The following RNMT variants were observed in gnomAD, a reference collection of about 807,000 sequenced individuals.
RNMT encodes mRNA cap guanine-N(7) methyltransferase.
A neutral mutation model predicts 56.0 loss-of-function variants in RNMT; 27 were observed. That is an observed-to-expected ratio of 0.48 (90% CI 0.36 to 0.67). The LOEUF (loss-of-function observed/expected upper bound fraction) is 0.67. Among genes scored for constraint, RNMT ranks in the 30% least tolerant of loss-of-function variants. The pLI is 0.00. For missense variants in RNMT, 519 were observed against 552.1 expected (o/e 0.94, Z 0.60); for synonymous variants, 184 against 176.2 (o/e 1.04, Z -0.35).
chr18:13,760,873 C>A lies in RNMT; in HGVS notation c.*894C>A. 1.0e-6 allele frequency: 1 copy of A among 985,434 alleles called. No homozygotes were observed. Among genetic ancestry groups the A allele is most frequent in the Non-Finnish European group, 1.2e-6 (1 of 829,910 alleles). 61.0% of individuals were successfully genotyped at this position (985,434 alleles called of 1,614,324 possible). ...ATAAGCAATACTTGTTCCTCTGTTA[C>A]AACCTCAGCACTTTGCACCGTAGGA... On this transcript the variant is annotated 3_prime_UTR_variant, in exon 12 of 12. Coordinates refer to ENST00000383314, the MANE Select transcript of RNMT (RefSeq NM_003799.3).
intron 9 of RNMT, among the ~76,000 whole-genome samples, chr18:13,747,304 C>G (rs1157225484): frequency 2.0e-5 from 3 of 151,484 alleles, no homozygotes; most frequent in Admixed American, 6.6e-5. Context: ...TCACTGAGGC[C>G]TTCACCTTCT....
chr18:13,727,967 A>G (rs7244404), intron 1 of RNMT, among the ~76,000 whole-genome samples: 38,668 of 152,178 alleles, frequency 0.25, 5,635 homozygotes, highest in Non-Finnish European at 0.34. Flanking sequence ...TATATATGCT[A>G]CATTATCTTT....
rs116274527 is a variant in RNMT at position 13,738,877 on chromosome 18, T to C, written c.680-1290T>C. Among the ~76,000 whole-genome samples, 1,303 of 152,326 alleles carry C rather than the reference T, an allele frequency of 8.6e-3. 23 individuals carry two copies. The highest frequency in any genetic ancestry group is 0.03 in the African/African-American group (1,256 of 41,580). On this transcript the variant is annotated intron_variant, in intron 5 of 11. Transcript: ENST00000383314. Reference sequence around the variant, plus strand: ...ACCAGGGGCCGGTTTCATGGAAGACTGTTTTTCCACAGAAGCGGGGGGATG... The same window carrying C: ...ACCAGGGGCCGGTTTCATGGAAGACCGTTTTTCCACAGAAGCGGGGGGATG...
chr18:13,735,338 A>G (rs759316681), intron 4 of RNMT, among the ~76,000 whole-genome samples: 21 of 152,294 alleles, frequency 1.4e-4, no homozygotes, highest in Admixed American at 3.3e-4. Flanking sequence ...ATTTTCAAAG[A>G]TAAATTACCT....
intron 9 of RNMT, among the ~76,000 whole-genome samples, chr18:13,750,510 G>C (rs970570536): frequency 6.6e-6 from 1 of 152,010 alleles, no homozygotes; most frequent in Admixed American, 6.5e-5. Context: ...GATAAAAGTT[G>C]ACCATAAGGC....
intron 1 of RNMT, among the ~76,000 whole-genome samples, chr18:13,728,873 G>A (rs1366945216): frequency 1.3e-5 from 2 of 151,928 alleles, no homozygotes; most frequent in African/African-American, 4.8e-5. Context: ...CTGTATTCCG[G>A]TTGTGAATCC....
intron 5 of RNMT, among the ~76,000 whole-genome samples, chr18:13,737,804 A>G (rs1243868177): frequency 6.6e-6 from 1 of 152,032 alleles, no homozygotes; most frequent in Non-Finnish European, 1.5e-5. Context: ...TGAAACTTAT[A>G]AATTAAGGGG....
chr18:13,730,300 G>A (rs2044045188), intron 1 of RNMT: 2 of 152,082 alleles, frequency 1.3e-5, no homozygotes, highest in African/African-American at 2.4e-5. Context: ...AGACTTAATG[G>A]TCATCAAACT....
chr18:13,762,371 G>A lies in RNMT; in HGVS notation c.*2392G>A, dbSNP rs1157544977. 8 of 555,032 alleles carry A rather than the reference G, an allele frequency of 1.4e-5. No homozygotes were observed. Among genetic ancestry groups the A allele is most frequent in the African/African-American group, 5.8e-5 (3 of 52,118 alleles). The allele number at this position is 555,032 out of a possible 1,614,324, so 34.4% of individuals were successfully genotyped here. On this transcript the variant is annotated 3_prime_UTR_variant, in exon 12 of 12. Coordinates refer to ENST00000383314, the MANE Select transcript of RNMT (RefSeq NM_003799.3). ...GTTTTTAACCACTTCTGTGGGAGCCGTGTTCTAACCTGTGGAAAGTATTGC... is the reference window on the plus strand; with the variant it reads ...GTTTTTAACCACTTCTGTGGGAGCCATGTTCTAACCTGTGGAAAGTATTGC...
chr18:13,760,510 T>G lies in RNMT; in HGVS notation c.*531T>G. Reference sequence around the variant, plus strand: ...AATTTCAGATGCTCATAAAAGTTACTTAGCTAAAATTTTAGCAATTTATTG... The same window carrying G: ...AATTTCAGATGCTCATAAAAGTTACGTAGCTAAAATTTTAGCAATTTATTG... On this transcript the variant is annotated 3_prime_UTR_variant, in exon 12 of 12. Coordinates refer to ENST00000383314, the MANE Select transcript of RNMT (RefSeq NM_003799.3). 1 of 985,378 alleles carries G rather than the reference T, an allele frequency of 1.0e-6. No homozygotes were observed. 61.0% of individuals were successfully genotyped at this position (985,378 alleles called of 1,614,324 possible). A position where few individuals can be genotyped will look rare whatever the true frequency, so the allele number is the denominator to read the frequency against.
At chr18:13,743,335 AATAAAT>A (rs1427623646) in intron 8 of RNMT, among the ~76,000 whole-genome samples, 60,602 of 100,422 alleles carry the variant, frequency 0.6, 15,279 homozygotes, top group East Asian at 0.77. Flanking sequence ...AAAAAAAATA[AATAAAT>A]AAATAAATAA....
chr18:13,739,786 A>T (rs1288830925), intron 5 of RNMT, among the ~76,000 whole-genome samples: 1 of 152,196 alleles, frequency 6.6e-6, no homozygotes, highest in African/African-American at 2.4e-5. Flanking sequence ...ACTCTGTCTC[A>T]AAAAAGAAAA....
intron 3 of RNMT, among the ~76,000 whole-genome samples, chr18:13,733,136 CT>C (rs1416294518): frequency 6.6e-6 from 1 of 152,088 alleles, no homozygotes; most frequent in Non-Finnish European, 1.5e-5. Flanking sequence ...AAATCTTACA[CT>C]TAAACCTGTT....
intron 8 of RNMT, among the ~76,000 whole-genome samples, chr18:13,745,836 A>G (rs2149096850): frequency 6.6e-6 from 1 of 152,302 alleles, no homozygotes; most frequent in Non-Finnish European, 1.5e-5. Flanking sequence ...TTGCCAGAGA[A>G]GTCGAGATGA....
chr18:13,741,929 G>A (rs2044258398), intron 7 of RNMT, among the ~76,000 whole-genome samples: 1 of 152,232 alleles, frequency 6.6e-6, no homozygotes, highest in African/African-American at 2.4e-5. Flanking sequence ...TAGACAAACT[G>A]CAGGTCAGAT....
intron 2 of RNMT, 137 bp from the exon 3 acceptor site, chr18:13,731,339 C>T (rs1282824232): frequency 5.8e-5 from 25 of 429,176 alleles, no homozygotes; most frequent in East Asian, 3.7e-5. Context: ...ACCCCAGAGG[C>T]GGAGCTTGCA....
At chr18:13,728,690 A>G (rs1484088286) in intron 1 of RNMT, among the ~76,000 whole-genome samples, 1 of 151,840 alleles carries the variant, frequency 6.6e-6, no homozygotes, top group African/African-American at 2.4e-5. Context: ...CCGAGATGAG[A>G]TGGTATCTCA....
chr18:13,759,509 T>C (rs2044593819), intron 11 of RNMT, among the ~76,000 whole-genome samples: 1 of 152,218 alleles, frequency 6.6e-6, no homozygotes. Flanking sequence ...ATTGTTAACA[T>C]GTCATGTTAT....
chr18:13,742,798 A>T (rs537784410), intron 8 of RNMT, 146 bp downstream of exon 8: 48 of 587,004 alleles, frequency 8.2e-5, no homozygotes, highest in Non-Finnish European at 1.1e-4. Flanking sequence ...TGTTTTTAAA[A>T]AAAAAAAACA....
Sources: gnomAD v4.1 joint callset for allele counts (sites outside exome capture counted in the v4.1 genomes callset) on GRCh38, gnomAD v4.1.1 for gene constraint, MANE v1.5 for transcripts, NCBI Gene and HGNC (gene_info 2026-07-23, HGNC 2026-07-21) for gene names.